The following RALGAPB variants were observed in gnomAD, a reference collection of about 807,000 sequenced individuals.
RALGAPB encodes the protein ral GTPase-activating protein subunit beta.
A neutral mutation model predicts 161.1 loss-of-function variants in RALGAPB; 25 were observed. The observed-to-expected ratio is 0.16, with a 90% CI of 0.11 to 0.22. The LOEUF (loss-of-function observed/expected upper bound fraction) is 0.22, where lower values mean the gene tolerates loss of function less well. Among genes scored for constraint, RALGAPB ranks in the 10% least tolerant of loss-of-function variants. The pLI is 1.00. For synonymous variants in RALGAPB, 629 were observed against 626.1 expected (o/e 1.00, Z -0.07); for missense variants, 1,391 against 1,815.2 (o/e 0.77, Z 4.25).
intron 5 of RALGAPB, among the ~76,000 whole-genome samples, chr20:38,500,419 A>G (rs1568916323): frequency 6.6e-6 from 1 of 152,086 alleles, no homozygotes; most frequent in Non-Finnish European, 1.5e-5. Flanking sequence ...TAATATTACC[A>G]TTGTAATTGT....
At chr20:38,483,880 G>T (rs976239385) in intron 1 of RALGAPB, among the ~76,000 whole-genome samples, 1 of 152,266 alleles carries the variant, frequency 6.6e-6, no homozygotes, top group African/African-American at 2.4e-5. Context: ...GCAAGAGGAG[G>T]TTCTTATTTG....
At chr20:38,521,059 GT>G (rs2086274973) in intron 9 of RALGAPB, among the ~76,000 whole-genome samples, 1 of 152,132 alleles carries the variant, frequency 6.6e-6, no homozygotes, top group Non-Finnish European at 1.5e-5. Context: ...CTGGCATAGG[GT>G]TGCCCATTTA....
intron 20 of RALGAPB, 150 bp from the exon 21 acceptor site, chr20:38,550,920 CT>C: frequency 1.2e-6 from 1 of 829,018 alleles, no homozygotes; most frequent in South Asian, 1.8e-5. Flanking sequence ...CTTCCCTTTG[CT>C]GTTATCTGTA....
At position 38,574,451 on chromosome 20, in the gene RALGAPB, G is replaced by C. The variant is rs113640621; in HGVS notation, c.4291+153G>C. On this transcript the variant is annotated intron_variant, in intron 29 of 29. Transcript: ENST00000262879. ...TCTTGTTAAAAAGGGAGCATGTTTCGTTCTTTTTAAATCTGTCCTTAATCT... is the reference window on the plus strand; with the variant it reads ...TCTTGTTAAAAAGGGAGCATGTTTCCTTCTTTTTAAATCTGTCCTTAATCT... 2.6e-5 allele frequency among the ~76,000 whole-genome samples: 4 copies of C among 152,180 alleles called. No individual in the cohort carries two copies. In the South Asian group the frequency reaches 8.3e-4, roughly 32 times the overall value.
intron 23 of RALGAPB, among the ~76,000 whole-genome samples, chr20:38,559,537 A>G (rs2087715219): frequency 6.6e-6 from 1 of 152,212 alleles, no homozygotes; most frequent in Non-Finnish European, 1.5e-5. Context: ...TCTACTGAAA[A>G]TACAAAAATT....
At chr20:38,509,740 G>T (rs1487199110) in intron 6 of RALGAPB, among the ~76,000 whole-genome samples, 3 of 152,054 alleles carry the variant, frequency 2.0e-5, no homozygotes, top group African/African-American at 7.2e-5. Flanking sequence ...CCCTCTTCCA[G>T]CCCCATCTGT....
intron 9 of RALGAPB, among the ~76,000 whole-genome samples, 157 bp from the exon 10 acceptor site, chr20:38,521,340 C>G (rs962280448): frequency 3.3e-5 from 5 of 152,036 alleles, no homozygotes; most frequent in Non-Finnish European, 1.5e-5. Flanking sequence ...TTCAGAGAGC[C>G]CTTTTTAAAA....
intron 2 of RALGAPB, 95 bp downstream of exon 2, chr20:38,488,713 A>C: frequency 8.1e-7 from 1 of 1,229,876 alleles, no homozygotes; most frequent in Non-Finnish European, 1.1e-6. Context: ...TTTTTCTTTG[A>C]AAAGAGCTGT....
chr20:38,498,069 C>CA (rs11481813), intron 4 of RALGAPB, among the ~76,000 whole-genome samples: 93,031 of 123,646 alleles, frequency 0.75, 34,267 homozygotes, highest in East Asian at 0.91. Flanking sequence ...GACTCTGTCT[C>CA]AAAAAAAAAA....
chr20:38,549,720 A>G (rs997961233), intron 20 of RALGAPB, among the ~76,000 whole-genome samples: 23 of 152,214 alleles, frequency 1.5e-4, no homozygotes, highest in African/African-American at 5.5e-4. Context: ...AAGAAATTTT[A>G]AATCACCTTT....
chr20:38,535,091 G>A lies in RALGAPB; in HGVS notation c.2263G>A (p.Ala755Thr), dbSNP rs2086763803. The part of the protein sequence containing the change: ...LRDYALNTDS[A>T]AGLLIRSIHL... The stretch of plus-strand genomic sequence containing the variant: ...TATCCTAGCTCTTAATACAGATTCA[G>A]CTGCTGGGCTCCTGATTCGCAGCAT... Residue 755 changes from alanine to threonine, a missense_variant, in exon 16 of 30, where the codon GCT (alanine) becomes ACT (threonine). By Grantham distance (58) the Ala-to-Thr change is moderately conservative (BLOSUM62 0). This residue lies in a region of RALGAPB where 946 missense variants were observed against 1,257.2 expected (regional missense o/e 0.75). Transcript: ENST00000262879. The A allele has an allele frequency of 6.2e-7, 1 of 1,614,068 alleles. No homozygotes were observed. Among genetic ancestry groups the A allele is most frequent in the Non-Finnish European group, 8.5e-7 (1 of 1,179,904 alleles).
At chr20:38,550,086 T>C (rs974972604) in intron 20 of RALGAPB, among the ~76,000 whole-genome samples, 2 of 152,058 alleles carry the variant, frequency 1.3e-5, no homozygotes, top group African/African-American at 4.8e-5. Flanking sequence ...TAGGTGGGAA[T>C]TGAACAGTGG....
At chr20:38,498,087 A>G (rs1386110122) in intron 4 of RALGAPB, among the ~76,000 whole-genome samples, 9 of 132,526 alleles carry the variant, frequency 6.8e-5, no homozygotes, top group African/African-American at 2.5e-4. Flanking sequence ...AAAAAAAAAG[A>G]AAAGAAACAA....
At chr20:38,479,070 G>A (rs2084888556) in intron 1 of RALGAPB, among the ~76,000 whole-genome samples, 1 of 152,126 alleles carries the variant, frequency 6.6e-6, no homozygotes, top group African/African-American at 2.4e-5. Context: ...TTGTTTTGTT[G>A]TATTATGCTG....
intron 6 of RALGAPB, among the ~76,000 whole-genome samples, chr20:38,511,186 A>G (rs1442326376): frequency 6.6e-6 from 1 of 152,196 alleles, no homozygotes; most frequent in Non-Finnish European, 1.5e-5. Context: ...GACACACACC[A>G]CACTTAATTG....
intron 20 of RALGAPB, among the ~76,000 whole-genome samples, chr20:38,549,811 A>G (rs1415034362): frequency 6.6e-6 from 1 of 152,024 alleles, no homozygotes; most frequent in Non-Finnish European, 1.5e-5. Context: ...ACACAATAAC[A>G]CTTGAATAGA....
At chr20:38,488,022 T>C (rs2085168640) in intron 1 of RALGAPB, among the ~76,000 whole-genome samples, 1 of 152,086 alleles carries the variant, frequency 6.6e-6, no homozygotes, top group Non-Finnish European at 1.5e-5. Context: ...ATCACACCAT[T>C]GTACTCCAGC....
chr20:38,556,273 A>G lies in RALGAPB; in HGVS notation c.3373-2022A>G, dbSNP rs537429197. On this transcript the variant is annotated intron_variant, in intron 22 of 29. Coordinates refer to ENST00000262879, the MANE Select transcript of RALGAPB (RefSeq NM_020336.4). The stretch of plus-strand genomic sequence containing the variant: ...TTTTTAAACTTTCTAGTTTTAAATA[A>G]TTATAGATTAGCAGGAAATTGCAAA... Among the ~76,000 whole-genome samples the G allele has an allele frequency of 3.3e-5, 5 of 152,280 alleles. No individual in the cohort carries two copies. In the East Asian group the frequency reaches 9.6e-4, roughly 29 times the overall value.
At chr20:38,494,737 GTTATC>G (rs1285454576) in intron 3 of RALGAPB, among the ~76,000 whole-genome samples, 1 of 152,188 alleles carries the variant, frequency 6.6e-6, no homozygotes, top group Non-Finnish European at 1.5e-5. Context: ...ATACTTTCTT[GTTATC>G]TTATTTAGGA....
Sources: gnomAD v4.1 joint callset for allele counts (sites outside exome capture counted in the v4.1 genomes callset) on GRCh38, gnomAD v4.1.1 for gene constraint, gnomAD v4.1.1 regional missense constraint, MANE v1.5 for transcripts, NCBI Gene and HGNC (gene_info 2026-07-23, HGNC 2026-07-21) for gene names.